Variants in PGGHG observed in about 807,000 individuals in gnomAD.
The protein encoded by PGGHG is protein-glucosylgalactosylhydroxylysine glucosidase, also known as ATH1, acid trehalase-like 1.
Under a neutral mutation model 74.5 loss-of-function variants are expected in PGGHG, and 67 were observed. The ratio of observed to expected loss-of-function variants is 0.90; its 90% confidence interval spans 0.74 to 1.10. The LOEUF is 1.10. Among genes scored for constraint, PGGHG ranks in the 50% least tolerant of loss-of-function variants. The pLI is 0.00. For missense variants in PGGHG, 1,034 were observed against 981.5 expected, an observed-to-expected ratio of 1.05 and a Z score of -0.72; for synonymous variants, 496 against 419.9, an observed-to-expected ratio of 1.18 and a Z score of -2.21.
chr11:292,182 G>T (rs2134025351), intron 5 of PGGHG, 87 bp downstream of exon 5: 1 of 1,437,004 alleles, frequency 7.0e-7, no homozygotes, highest in South Asian at 1.5e-5. Context: ...CTCTCCCCAG[G>T]CCCCCTCTGG....
chr11:289,654 C>T lies in PGGHG; in HGVS notation c.-13-150C>T. 4 of 999,948 alleles carry T rather than the reference C, an allele frequency of 4.0e-6. No homozygotes were observed. The South Asian group carries it at 5.2e-5, about 13-fold the overall frequency. The allele number at this position is 999,948 out of a possible 1,614,324, so 61.9% of individuals were successfully genotyped here. A position where few individuals can be genotyped will look rare whatever the true frequency, so the allele number is the denominator to read the frequency against. The stretch of plus-strand genomic sequence containing the variant: ...GTCGAGCTCCTTTCCTGCGAGGCCC[C>T]GTCTAGGAGGGGCCTCAGGAAAATC... On this transcript the variant is annotated intron_variant, in intron 1 of 13. Coordinates refer to ENST00000409548, the MANE Select transcript of PGGHG (RefSeq NM_025092.5). This position sits in a 1 kb window ranked among gnomAD's most constrained non-coding sequence, Gnocchi z 5.6.
At position 292,971 on chromosome 11, in the gene PGGHG, C is replaced by T. The variant is rs200591136; in HGVS notation, c.1244C>T (p.Pro415Leu). 6.2e-7 allele frequency: 1 copy of T among 1,613,400 alleles called. No individual in the cohort carries two copies. Among genetic ancestry groups the T allele is most frequent in the East Asian group, 2.2e-5 (1 of 44,864 alleles). The change falls in exon 7 of 14, where the codon CCC becomes CTC. Residue 415 changes from proline to leucine, a missense_variant. By Grantham distance (98) the Pro-to-Leu change is moderately conservative (BLOSUM62 -3). Transcript: ENST00000409548. ...EFWCSRVEWS[P>L]REEKYHLRGV... ...TGGTGCAGTCGTGTTGAGTGGAGCCCCAGGGAGGAAAAGTACCACCTGAGG... is the reference window on the plus strand; with the variant it reads ...TGGTGCAGTCGTGTTGAGTGGAGCCTCAGGGAGGAAAAGTACCACCTGAGG...
chr11:291,766 AGT>A lies in PGGHG; in HGVS notation c.907-206_907-205del. Reference sequence around the variant, plus strand: ...ACACAAACGCCGGCTGGGGAGGCGAAGTGTGGGGCTGAGCACCAGAACTCCAG... The same window carrying A: ...ACACAAACGCCGGCTGGGGAGGCGAAGTGGGGCTGAGCACCAGAACTCCAG... On this transcript the variant is annotated intron_variant, in intron 4 of 13. Transcript: ENST00000409548. 1.3e-5 allele frequency: 8 copies of A among 621,488 alleles called. 1 individual carries two copies. The South Asian group carries it at 2.3e-4, about 18-fold the overall frequency. 38.5% of individuals were successfully genotyped at this position (621,488 alleles called of 1,614,324 possible).
chr11:289,896 C>G lies in PGGHG; in HGVS notation c.80C>G (p.Thr27Ser), dbSNP rs1387999554. 1.9e-6 allele frequency: 3 copies of G among 1,551,116 alleles called. No homozygotes were observed. Among genetic ancestry groups the G allele is most frequent in the Non-Finnish European group, 2.6e-6 (3 of 1,146,924 alleles). ...PSDPRLLATV[T>S]NAYLGTRVFH... ...GACCCCCGTCTCTTGGCCACTGTGA[C>G]CAACGCATACCTGGGCACACGAGTG... The change falls in exon 2 of 14, where the codon ACC (threonine) becomes AGC (serine). Residue 27 changes from threonine (T) to serine (S), a missense_variant. By Grantham distance (58) the Thr-to-Ser change is moderately conservative (BLOSUM62 1). Transcript: ENST00000409548. This position sits in a 1 kb window ranked among gnomAD's most constrained non-coding sequence, Gnocchi z 5.6.
At chr11:292,493 G>A (rs1845753299) in intron 5 of PGGHG, 53 bp from the exon 6 acceptor site, 3 of 1,596,484 alleles carry the variant, frequency 1.9e-6, no homozygotes, top group Non-Finnish European at 2.6e-6. Flanking sequence ...GAAAGTTGGG[G>A]GGCCACCGCT....
intron 10 of PGGHG, 46 bp downstream of exon 10, chr11:293,773 C>G (rs372558265): frequency 1.2e-6 from 2 of 1,613,308 alleles, no homozygotes; most frequent in Admixed American, 1.7e-5. Context: ...TGGCCTCAGT[C>G]TTCTCTGCCC....
Position 293,448 on chromosome 11 carries a change from G to T in PGGHG, c.1426G>T (p.Val476Leu), listed in dbSNP as rs181135445. 2.5e-6 allele frequency: 4 copies of T among 1,612,294 alleles called. No homozygotes were observed. The highest frequency in any genetic ancestry group is 3.4e-6 in the Non-Finnish European group (4 of 1,180,006). Residue 476 changes from valine (V) to leucine (L), a missense_variant, in exon 9 of 14, where the codon GTA becomes TTA. Coordinates refer to ENST00000409548, the MANE Select transcript of PGGHG (RefSeq NM_025092.5). Reference sequence around the variant, plus strand: ...GCTGGCGGTGGCTGACAAGATCAAGGTACCCTTTGACGTGGAGCAGAACTT... The same window carrying T: ...GCTGGCGGTGGCTGACAAGATCAAGTTACCCTTTGACGTGGAGCAGAACTT... ...QWLAVADKIKVPFDVEQNFHP... is the reference protein window; with the variant it reads ...QWLAVADKIKLPFDVEQNFHP...
Position 291,027 on chromosome 11 carries a change from G to A in PGGHG, c.820G>A (p.Gly274Arg). Residue 274 changes from glycine to arginine, a missense_variant, in exon 4 of 14, where the codon GGA becomes AGA. By Grantham distance (125) the Gly-to-Arg change is moderately radical (BLOSUM62 -2). Transcript: ENST00000409548. ...LSALPQPKAP[G>R]YICHGLSPGG... is the part of the protein sequence containing the mutation. Reference sequence around the variant, plus strand: ...TGCCCTGCCCCAGCCCAAGGCCCCAGGATACATCTGCCATGGCCTCAGTCC... The same window carrying A: ...TGCCCTGCCCCAGCCCAAGGCCCCAAGATACATCTGCCATGGCCTCAGTCC... The A allele has an allele frequency of 1.2e-6, 2 of 1,612,496 alleles. No homozygotes were observed. Among genetic ancestry groups the A allele is most frequent in the Non-Finnish European group, 1.7e-6 (2 of 1,179,806 alleles).
Position 293,592 on chromosome 11 carries a change from A to G in PGGHG, c.1481-2A>G. The G allele has an allele frequency of 6.2e-7, 1 of 1,613,424 alleles. No individual in the cohort carries two copies. The highest frequency in any genetic ancestry group is 8.5e-7 in the Non-Finnish European group (1 of 1,179,940). Reference sequence around the variant, plus strand: ...CTTCCAGTCAGCGGCACCTCCCTGTAGGAGAGGTGGTGAAGCAGGCAGACG... The same window carrying G: ...CTTCCAGTCAGCGGCACCTCCCTGTGGGAGAGGTGGTGAAGCAGGCAGACG... On this transcript the variant is annotated splice_acceptor_variant, in intron 9 of 13. Coordinates refer to ENST00000409548, the MANE Select transcript of PGGHG (RefSeq NM_025092.5). LOFTEE classifies it high-confidence loss of function.
chr11:294,151 TG>T lies in PGGHG; in HGVS notation c.1769del (p.Gly590AlafsTer20). The T allele has an allele frequency of 1.2e-6, 2 of 1,612,756 alleles. No homozygotes were observed. The highest frequency in any genetic ancestry group is 1.1e-5 in the South Asian group (1 of 90,896). ...GGCGCTGTGAACTTCCTGACAGGCA[TG>T]GGGGGCTTCCTGCAGGCGGTGGTCT... ...GSGAVNFLTGMGGFLQAVVFG... is the reference protein window; with the variant it reads ...GSGAVNFLTGXGGFLQAVVFG... On this transcript the variant is annotated frameshift_variant, in exon 12 of 14. Coordinates refer to ENST00000409548, the MANE Select transcript of PGGHG (RefSeq NM_025092.5). LOFTEE classifies it high-confidence loss of function.
Position 292,911 on chromosome 11 carries a change from G to A in PGGHG, c.1184G>A (p.Gly395Asp). Residue 395 changes from glycine to aspartate, a missense_variant, in exon 7 of 14, where the codon GGT (glycine) becomes GAT (aspartate). By Grantham distance (94) the Gly-to-Asp change is moderately conservative. Transcript: ENST00000409548. ...GACCTGCAGCTATTTCGAGAGGCTG[G>A]TGGCTGGGACGTGGTCAGGGCTGTG... ...TQDLQLFREAGGWDVVRAVAE... is the reference protein window; with the variant it reads ...TQDLQLFREADGWDVVRAVAE... The A allele has an allele frequency of 2.5e-6, 4 of 1,614,128 alleles. No individual in the cohort carries two copies. The highest frequency in any genetic ancestry group is 2.5e-6 in the Non-Finnish European group (3 of 1,180,010).
Position 290,737 on chromosome 11 carries a change from A to G in PGGHG, c.530A>G (p.His177Arg), listed in dbSNP as rs762368477. ...CCCGGGGGGCCACAGCAAGAGGTAC[A>G]CATGCTGTGGACACCAGCACCCCCA... ...EQPGGPQQEV[H>R]MLWTPAPPDL... is the part of the protein sequence containing the mutation. Residue 177 changes from histidine to arginine, a missense_variant, in exon 4 of 14, where the codon CAC becomes CGC. Coordinates refer to ENST00000409548, the MANE Select transcript of PGGHG (RefSeq NM_025092.5). The G allele has an allele frequency of 2.5e-6, 4 of 1,609,606 alleles. No homozygotes were observed. The highest frequency in any genetic ancestry group is 2.7e-5 in the African/African-American group (2 of 74,880).
Position 294,815 on chromosome 11 carries a change from C to T in PGGHG, c.*66C>T. On this transcript the variant is annotated 3_prime_UTR_variant, in exon 14 of 14. Coordinates refer to ENST00000409548, the MANE Select transcript of PGGHG (RefSeq NM_025092.5). ...TCTGGCCACGTCTGCACCCACCCCTCCTGGGCACCCTCCTAGCCTGCCATC... is the reference window on the plus strand; with the variant it reads ...TCTGGCCACGTCTGCACCCACCCCTTCTGGGCACCCTCCTAGCCTGCCATC... The T allele has an allele frequency of 2.0e-6, 3 of 1,482,306 alleles. No homozygotes were observed. Among genetic ancestry groups the T allele is most frequent in the Non-Finnish European group, 9.1e-7 (1 of 1,100,398 alleles). The allele number at this position is 1,482,306 out of a possible 1,614,324, so 91.8% of individuals were successfully genotyped here.
In PGGHG at chr11:292,683, G is replaced by A. The variant is rs749571408; in HGVS notation, c.1158+6G>A. 5 of 1,613,718 alleles carry A rather than the reference G, an allele frequency of 3.1e-6. 1 individual carries two copies. The South Asian group carries it at 5.5e-5, about 18-fold the overall frequency. On this transcript the variant is annotated splice_donor_region_variant and intron_variant, in intron 6 of 13. Transcript: ENST00000409548. ...TGTACTACCATACCACCCAGGTGAG[G>A]TGCTGCGTGCCCACCATTCCTGCAA...
Position 290,572 on chromosome 11 carries a change from C to T in PGGHG, c.442C>T (p.His148Tyr). 11 of 1,553,548 alleles carry T rather than the reference C, an allele frequency of 7.1e-6. No individual in the cohort carries two copies. Among genetic ancestry groups the T allele is most frequent in the African/African-American group, 1.4e-5 (1 of 73,242 alleles). ...CCCAGAAAGCCCAGACCTGGACCTG[C>T]ATCAGGGTCCTGACTTCCAGGGAGC... ...FSPESPDLDL[H>Y]QGPDFQGARY... is the part of the protein sequence containing the mutation. The change falls in exon 3 of 14, where the codon CAT becomes TAT. Residue 148 changes from histidine to tyrosine, a missense_variant. By Grantham distance (83) the His-to-Tyr change is moderately conservative. Coordinates refer to ENST00000409548, the MANE Select transcript of PGGHG (RefSeq NM_025092.5).
chr11:292,939 C>A lies in PGGHG; in HGVS notation c.1212C>A (p.Ala404=). The change falls in exon 7 of 14, where the codon GCC becomes GCA. Residue 404 remains alanine, a synonymous_variant. Transcript: ENST00000409548. ...AGGWDVVRAV[A]EFWCSRVEWS... Reference sequence around the variant, plus strand: ...GCTGGGACGTGGTCAGGGCTGTGGCCGAGTTTTGGTGCAGTCGTGTTGAGT... The same window carrying A: ...GCTGGGACGTGGTCAGGGCTGTGGCAGAGTTTTGGTGCAGTCGTGTTGAGT... 1 of 1,614,056 alleles carries A rather than the reference C, an allele frequency of 6.2e-7. No homozygotes were observed. The highest frequency in any genetic ancestry group is 8.5e-7 in the Non-Finnish European group (1 of 1,180,004).
At chr11:291,678 CGA>C (rs1845725793) in intron 4 of PGGHG, 1 of 361,522 alleles carries the variant, frequency 2.8e-6, no homozygotes, top group Non-Finnish European at 5.1e-6. Context: ...TCTCAGAGGC[CGA>C]GTCATTCACT....
chr11:289,991 C>G lies in PGGHG; in HGVS notation c.175C>G (p.Pro59Ala). Residue 59 changes from proline to alanine, a missense_variant, in exon 2 of 14, where the codon CCC (proline) becomes GCC (alanine). Coordinates refer to ENST00000409548, the MANE Select transcript of PGGHG (RefSeq NM_025092.5). This position sits in a 1 kb window ranked among gnomAD's most constrained non-coding sequence, Gnocchi z 5.6. ...AGGDTHRAML[P>A]SPLNVRLEAP... ...CGGGGACACGCACCGGGCCATGCTG[C>G]CCAGCCCCCTCAACGTCCGGCTGGA... The G allele has an allele frequency of 5.2e-6, 8 of 1,549,124 alleles. No individual in the cohort carries two copies. Among genetic ancestry groups the G allele is most frequent in the Non-Finnish European group, 6.1e-6 (7 of 1,146,840 alleles).
In PGGHG at chr11:289,716, C is replaced by A; in HGVS notation, c.-13-88C>A. The A allele has an allele frequency of 7.0e-7, 1 of 1,429,706 alleles. No homozygotes were observed. Among genetic ancestry groups the A allele is most frequent in the Non-Finnish European group, 9.2e-7 (1 of 1,082,522 alleles). The allele number at this position is 1,429,706 out of a possible 1,614,324, so 88.6% of individuals were successfully genotyped here. Reference sequence around the variant, plus strand: ...GCTGGTTCCGCAACTCCCCCCAGTTCTGAGGGAGGCTTCAGGGGATTACAG... The same window carrying A: ...GCTGGTTCCGCAACTCCCCCCAGTTATGAGGGAGGCTTCAGGGGATTACAG... On this transcript the variant is annotated intron_variant, in intron 1 of 13. Transcript: ENST00000409548. This position sits in a 1 kb window ranked among gnomAD's most constrained non-coding sequence, Gnocchi z 5.6.
Sources: gnomAD v4.1 joint callset for allele counts on GRCh38, gnomAD v4.1.1 for gene constraint, Gnocchi (gnomAD v3.1) non-coding constraint, MANE v1.5 for transcripts, NCBI Gene and HGNC (gene_info 2026-07-23, HGNC 2026-07-21) for gene names.